ATP6V0A4: variants seen among roughly 807,000 people sequenced by gnomAD.
The protein encoded by ATP6V0A4 is ATPase H+ transporting V0 subunit a4, also known as V-type proton ATPase 116 kDa subunit a 4.
A neutral mutation model predicts 107.3 loss-of-function variants in ATP6V0A4; 86 were observed. The observed-to-expected ratio is 0.80, with a 90% CI of 0.67 to 0.96. The LOEUF is 0.96. Among genes scored for constraint, ATP6V0A4 ranks in the 40% least tolerant of loss-of-function variants. The probability of loss-of-function intolerance (pLI) is 0.00; values close to 1 mark genes in which losing one functional copy is unlikely to be tolerated. For missense variants in ATP6V0A4, 908 were observed against 1,045.6 expected (o/e 0.87, Z 1.81); for synonymous variants, 353 against 381.4 (o/e 0.93, Z 0.87).
At chr7:138,708,016 A>ATTTT (rs374125921) in intron 21 of ATP6V0A4, among the ~76,000 whole-genome samples, 289 of 138,886 alleles carry the variant, frequency 2.1e-3, no homozygotes, top group African/African-American at 6.9e-3. Flanking sequence ...TTTATGTTTT[A>ATTTT]TTTTATTTAT....
At position 138,706,636 on chromosome 7, in the gene ATP6V0A4, T is replaced by G. The variant is rs1375937844; in HGVS notation, c.2511A>C (p.Thr837=). The change falls in exon 22 of 22, where the codon ACA becomes ACC. Residue 837 remains threonine, a synonymous_variant. Transcript: ENST00000310018. The part of the protein sequence containing the change: ...PFSFKHILDG[T]AEE Reference sequence around the variant, plus strand: ...TGCAGCCCTCAGCCTACTCCTCGGCTGTGCCATCCAGGATGTGTTTAAAGG... The same window carrying G: ...TGCAGCCCTCAGCCTACTCCTCGGCGGTGCCATCCAGGATGTGTTTAAAGG... The G allele has an allele frequency of 6.2e-7, 1 of 1,613,990 alleles. No homozygotes were observed. Among genetic ancestry groups the G allele is most frequent in the East Asian group, 2.2e-5 (1 of 44,854 alleles).
At chr7:138,781,419 C>G (rs1281307587) in intron 2 of ATP6V0A4, among the ~76,000 whole-genome samples, 2 of 152,084 alleles carry the variant, frequency 1.3e-5, no homozygotes, top group Non-Finnish European at 2.9e-5. Context: ...CAGCCTCCAC[C>G]TCCTGGGTTC....
chr7:138,752,365 ATTT>A lies in ATP6V0A4; in HGVS notation c.1029+257_1029+259del, dbSNP rs11399212. ...AGCCTGGGCTACAGAGCGAGATTCT[ATTT>A]TTTTTTTTTTTTTAAAAAAACCTCA... On this transcript the variant is annotated intron_variant, in intron 11 of 21. Transcript: ENST00000310018. Among the ~76,000 whole-genome samples, 57,317 of 146,548 alleles carry A rather than the reference ATTT, an allele frequency of 0.39. 11,206 individuals are homozygous for A. Among genetic ancestry groups the A allele is most frequent in the East Asian group, 0.53 (2,665 of 4,990 alleles).
chr7:138,787,952 A>G (rs1330249151), intron 1 of ATP6V0A4, among the ~76,000 whole-genome samples: 1 of 152,126 alleles, frequency 6.6e-6, no homozygotes, highest in Non-Finnish European at 1.5e-5. Flanking sequence ...GTGAGTTGTG[A>G]TTGCACCACT....
intron 8 of ATP6V0A4, among the ~76,000 whole-genome samples, chr7:138,758,405 C>T (rs1806614200): frequency 6.6e-6 from 1 of 152,008 alleles, no homozygotes; most frequent in Non-Finnish European, 1.5e-5. Flanking sequence ...TTTTAAATTT[C>T]ACTTATTTTA....
chr7:138,753,027 G>A lies in ATP6V0A4; in HGVS notation c.817-190C>T, dbSNP rs1169143858. 5 of 521,060 alleles carry A rather than the reference G, an allele frequency of 9.6e-6. No individual in the cohort carries two copies. The African/African-American group carries it at 1.0e-4, about 11-fold the overall frequency. The allele number at this position is 521,060 out of a possible 1,614,324, so 32.3% of individuals were successfully genotyped here. The stretch of plus-strand genomic sequence containing the variant: ...CCCCGCTAGAGGCTAAAACCCTTAG[G>A]CAGAGATTGTATCTTCCTTTTCTTC... On this transcript the variant is annotated intron_variant, in intron 10 of 21. Coordinates refer to ENST00000310018, the MANE Select transcript of ATP6V0A4 (RefSeq NM_020632.3).
chr7:138,755,600 G>A lies in ATP6V0A4; in HGVS notation c.816+89C>T. The stretch of plus-strand genomic sequence containing the variant: ...AGCATTCCAGCCAGCCTCCCAGCAA[G>A]GGCCCTGGGGGGCAGGGCTTGTATG... On this transcript the variant is annotated intron_variant, in intron 10 of 21. Coordinates refer to ENST00000310018, the MANE Select transcript of ATP6V0A4 (RefSeq NM_020632.3). The A allele has an allele frequency of 1.9e-6, 3 of 1,554,742 alleles. No homozygotes were observed. In the South Asian group the frequency reaches 3.4e-5, roughly 18 times the overall value.
At chr7:138,729,155 G>T (rs1023804413) in intron 17 of ATP6V0A4, among the ~76,000 whole-genome samples, 1 of 152,110 alleles carries the variant, frequency 6.6e-6, no homozygotes, top group African/African-American at 2.4e-5. Context: ...CAAGAAGTAC[G>T]CATGAAACAT....
chr7:138,787,374 A>C (rs1399415229), intron 1 of ATP6V0A4, among the ~76,000 whole-genome samples: 2 of 152,150 alleles, frequency 1.3e-5, no homozygotes, highest in Non-Finnish European at 2.9e-5. Context: ...CATCGACACC[A>C]AGGTTACATG....
chr7:138,756,021 A>C, intron 9 of ATP6V0A4: 1 of 667,088 alleles, frequency 1.5e-6, no homozygotes, highest in East Asian at 3.1e-5. Flanking sequence ...AAACCATAAA[A>C]CCTGTGAGTT....
intron 19 of ATP6V0A4, among the ~76,000 whole-genome samples, chr7:138,718,987 C>T (rs748640185): frequency 6.6e-6 from 1 of 152,002 alleles, no homozygotes; most frequent in African/African-American, 2.4e-5. Flanking sequence ...GAGTTCAGAA[C>T]CAACCCGAGC....
intron 20 of ATP6V0A4, among the ~76,000 whole-genome samples, chr7:138,711,687 C>T (rs1464736787): frequency 6.6e-6 from 1 of 152,196 alleles, no homozygotes; most frequent in East Asian, 1.9e-4. Context: ...TCGGGTTAGA[C>T]CCGTACCTGA....
chr7:138,782,214 G>A (rs1807958677), intron 2 of ATP6V0A4, among the ~76,000 whole-genome samples: 1 of 152,160 alleles, frequency 6.6e-6, no homozygotes, highest in Non-Finnish European at 1.5e-5. Flanking sequence ...AATCTTCCAG[G>A]TCTCTTACTT....
intron 11 of ATP6V0A4, among the ~76,000 whole-genome samples, chr7:138,751,830 G>A (rs1806242372): frequency 6.6e-6 from 1 of 152,020 alleles, no homozygotes; most frequent in African/African-American, 2.4e-5. Context: ...GAGGTAACAG[G>A]TGGTATCTAC....
rs776867749 is a variant in ATP6V0A4 at position 138,763,026 on chromosome 7, C to T, written c.292-1G>A. ...CTCCTTCCAGTTTTTCTAGAACAGT[C>T]TATGCAGGAAGGAAAAAGAAGGTAA... On this transcript the variant is annotated splice_acceptor_variant, in intron 5 of 21. Coordinates refer to ENST00000310018, the MANE Select transcript of ATP6V0A4 (RefSeq NM_020632.3). LOFTEE classifies it high-confidence loss of function. The T allele has an allele frequency of 1.9e-6, 3 of 1,613,924 alleles. No individual in the cohort carries two copies. Among genetic ancestry groups the T allele is most frequent in the Admixed American group, 1.7e-5 (1 of 59,974 alleles).
intron 2 of ATP6V0A4, among the ~76,000 whole-genome samples, chr7:138,779,536 T>C (rs1807829465): frequency 6.6e-6 from 1 of 152,168 alleles, no homozygotes; most frequent in Admixed American, 6.5e-5. Context: ...AAGTTGACCA[T>C]AAAATTAACC....
At chr7:138,755,924 A>C in intron 9 of ATP6V0A4, 142 bp from the exon 10 acceptor site, 14 of 1,464,024 alleles carry the variant, frequency 9.6e-6, no homozygotes, top group Non-Finnish European at 1.3e-5. Flanking sequence ...GGCCACTGGA[A>C]AAGGAGTCCC....
At position 138,718,201 on chromosome 7, in the gene ATP6V0A4, G is replaced by GGTGTGTGTGTGT. The variant is rs745612469; in HGVS notation, c.2140-2332_2140-2321dup. Among the ~76,000 whole-genome samples the GGTGTGTGTGTGT allele has an allele frequency of 7.5e-4, 34 of 45,538 alleles. 5 individuals carry two copies. The highest frequency in any genetic ancestry group is 1.2e-3 in the African/African-American group (9 of 7,254). The allele number at this position is 45,538 out of a possible 152,430, so 29.9% of individuals were successfully genotyped here. ...GGAGGGAGACGTCCAGGAAGGAATG[G>GGTGTGTGTGTGT]GTGTGTGTGTGTGTGTGTGTGTGTG... On this transcript the variant is annotated intron_variant, in intron 19 of 21. Coordinates refer to ENST00000310018, the MANE Select transcript of ATP6V0A4 (RefSeq NM_020632.3).
chr7:138,716,672 T>C (rs1238480065), intron 19 of ATP6V0A4, among the ~76,000 whole-genome samples: 1 of 152,064 alleles, frequency 6.6e-6, no homozygotes, highest in Non-Finnish European at 1.5e-5. Flanking sequence ...CAGGTGATCC[T>C]CCCATCTCAG....
Sources: allele counts gnomAD v4.1 joint callset (sites outside exome capture counted in the v4.1 genomes callset), GRCh38; gene constraint gnomAD v4.1.1; transcripts MANE v1.5; gene names NCBI Gene and HGNC (gene_info 2026-07-23, HGNC 2026-07-21).